Variants in FRMD4A observed in about 807,000 individuals in gnomAD.
FRMD4A encodes FERM domain-containing protein 4A.
FRMD4A carries 29 observed loss-of-function variants against 129.1 expected under a neutral mutation model. That is an observed-to-expected ratio of 0.22 (90% CI 0.17 to 0.31). The LOEUF (loss-of-function observed/expected upper bound fraction) is 0.31. Among genes scored for constraint, FRMD4A ranks in the 10% least tolerant of loss-of-function variants. FRMD4A has a pLI of 1.00. For synonymous variants in FRMD4A, 634 were observed against 571.6 expected, an observed-to-expected ratio of 1.11 and a Z score of -1.56; for missense variants, 1,272 against 1,375.8, an observed-to-expected ratio of 0.92 and a Z score of 1.19.
intron 2 of FRMD4A, among the ~76,000 whole-genome samples, chr10:14,023,712 C>T (rs959044493): frequency 5.3e-5 from 8 of 151,956 alleles, no homozygotes; most frequent in African/African-American, 1.9e-4. Context: ...GGTTGCAGTG[C>T]GTGCCCTGCA....
At chr10:13,916,581 C>A (rs899754878) in intron 2 of FRMD4A, among the ~76,000 whole-genome samples, 15 of 152,158 alleles carry the variant, frequency 9.9e-5, no homozygotes, top group Admixed American at 4.6e-4. Context: ...AGAAGAGGAA[C>A]CTGAGGCTCC....
intron 2 of FRMD4A, among the ~76,000 whole-genome samples, chr10:14,099,505 A>T (rs1187583415): frequency 6.6e-6 from 1 of 152,242 alleles, no homozygotes; most frequent in Non-Finnish European, 1.5e-5. Context: ...AAATCCAGGC[A>T]TGCCCAACTC....
chr10:13,728,183 T>C (rs1021584754), intron 12 of FRMD4A, among the ~76,000 whole-genome samples: 11 of 152,216 alleles, frequency 7.2e-5, no homozygotes, highest in African/African-American at 2.7e-4. Context: ...AAATGCCTTA[T>C]GTTTGTTTAG....
At chr10:14,152,655 A>G (rs1423672422) in intron 2 of FRMD4A, among the ~76,000 whole-genome samples, 1 of 152,200 alleles carries the variant, frequency 6.6e-6, no homozygotes, top group East Asian at 1.9e-4. Context: ...TGGGCAACAT[A>G]GCGAGACCCT....
intron 12 of FRMD4A, among the ~76,000 whole-genome samples, chr10:13,718,957 T>C (rs576929149): frequency 3.9e-5 from 6 of 152,342 alleles, no homozygotes; most frequent in Admixed American, 2.6e-4. Context: ...AGACACTCAA[T>C]AGTTGTCTGT....
At position 14,118,206 on chromosome 10, in the gene FRMD4A, C is replaced by T. The variant is rs567082053; in HGVS notation, c.45+211852G>A. Among the ~76,000 whole-genome samples the T allele has an allele frequency of 1.2e-3, 178 of 152,340 alleles. 2 individuals are homozygous for T. Among genetic ancestry groups the T allele is most frequent in the African/African-American group, 4.1e-3 (171 of 41,570 alleles). On this transcript the variant is annotated intron_variant, in intron 2 of 24. Coordinates refer to ENST00000357447, the MANE Select transcript of FRMD4A (RefSeq NM_018027.5). ...TGAGGCCCAGGAATCTGAATTTTAA[C>T]AAGCACCTTGGAGATTCTGGCCTCT...
At chr10:14,078,808 C>T (rs903170852) in intron 2 of FRMD4A, among the ~76,000 whole-genome samples, 2 of 152,224 alleles carry the variant, frequency 1.3e-5, no homozygotes, top group East Asian at 3.8e-4. Context: ...GTCAACCTCT[C>T]CCTGCCCTGG....
intron 2 of FRMD4A, among the ~76,000 whole-genome samples, chr10:14,204,403 G>A (rs144517686): frequency 2.6e-5 from 4 of 151,742 alleles, no homozygotes; most frequent in East Asian, 3.9e-4. Flanking sequence ...ACTCCAGCCC[G>A]AATGACAGTG....
intron 2 of FRMD4A, among the ~76,000 whole-genome samples, chr10:14,165,342 A>G (rs1168556913): frequency 6.6e-6 from 1 of 152,206 alleles, no homozygotes; most frequent in Non-Finnish European, 1.5e-5. Flanking sequence ...AATGGTTACA[A>G]CTAAGAAGCC....
chr10:14,299,708 C>T lies in FRMD4A; in HGVS notation c.45+30350G>A, dbSNP rs182024522. Among the ~76,000 whole-genome samples the T allele has an allele frequency of 1.3e-5, 2 of 152,274 alleles. 1 individual carries two copies. Among genetic ancestry groups the T allele is most frequent in the East Asian group, 3.9e-4 (2 of 5,184 alleles). On this transcript the variant is annotated intron_variant, in intron 2 of 24. Coordinates refer to ENST00000357447, the MANE Select transcript of FRMD4A (RefSeq NM_018027.5). ...CTCCTGGGAACTCAATGAGCCGCCT[C>T]AGACAAGACACATCAACTACCAGAA...
At chr10:13,998,851 C>A (rs2095632127) in intron 2 of FRMD4A, among the ~76,000 whole-genome samples, 1 of 152,218 alleles carries the variant, frequency 6.6e-6, no homozygotes, top group Non-Finnish European at 1.5e-5. Context: ...GCCTTCTTCT[C>A]TATCAACCTA....
intron 2 of FRMD4A, among the ~76,000 whole-genome samples, chr10:13,885,909 TTC>T (rs139291183): frequency 8.6e-4 from 127 of 148,270 alleles, no homozygotes; most frequent in Non-Finnish European, 9.5e-4. Flanking sequence ...CCATCTCTCC[TTC>T]TCTCTCTCTC....
chr10:13,766,589 T>A (rs2092294444), intron 6 of FRMD4A, among the ~76,000 whole-genome samples: 1 of 152,200 alleles, frequency 6.6e-6, no homozygotes, highest in Non-Finnish European at 1.5e-5. Flanking sequence ...ACGGTGTGGA[T>A]AAGAACCAAT....
rs1338060401 is a variant in FRMD4A, at chr10:13,643,937, T to C, written c.*3101A>G. On this transcript the variant is annotated 3_prime_UTR_variant, in exon 25 of 25. Transcript: ENST00000357447. The stretch of plus-strand genomic sequence containing the variant: ...GTTTCAGGAGCAACCTAATCTTTTT[T>C]CCCCCATTATTAAACTAGAGTCCAT... 6.6e-6 allele frequency: 1 copy of C among 152,604 alleles called. No homozygotes were observed. The highest frequency in any genetic ancestry group is 1.5e-5 in the Non-Finnish European group (1 of 68,036). The allele number at this position is 152,604 out of a possible 1,614,324, so 9.5% of individuals were successfully genotyped here.
At chr10:13,848,708 C>T (rs1230096492) in intron 3 of FRMD4A, among the ~76,000 whole-genome samples, 1 of 152,076 alleles carries the variant, frequency 6.6e-6, no homozygotes, top group East Asian at 1.9e-4. Context: ...CCCTCTCTCA[C>T]AGCCTCTTGG....
chr10:14,199,170 A>G (rs910183978), intron 2 of FRMD4A, among the ~76,000 whole-genome samples: 2 of 151,736 alleles, frequency 1.3e-5, no homozygotes, highest in African/African-American at 4.8e-5. Context: ...TGTTGTTTCC[A>G]TTTTTAAAAG....
chr10:13,822,309 A>C (rs1007386880), intron 3 of FRMD4A, among the ~76,000 whole-genome samples: 1 of 152,170 alleles, frequency 6.6e-6, no homozygotes, highest in African/African-American at 2.4e-5. Flanking sequence ...CTCCTAAACA[A>C]AGCTTTGCTT....
At chr10:14,176,076 C>A (rs911266148) in intron 2 of FRMD4A, among the ~76,000 whole-genome samples, 1 of 152,136 alleles carries the variant, frequency 6.6e-6, no homozygotes, top group South Asian at 2.1e-4. Context: ...GTTTAGGGAT[C>A]CCTAATATTT....
intron 24 of FRMD4A, chr10:13,649,675 A>G (rs1044364282): frequency 1.3e-5 from 2 of 152,226 alleles, no homozygotes; most frequent in African/African-American, 4.8e-5. Flanking sequence ...ATGTTGCTTC[A>G]TGTATTGGTC....
Sources: gnomAD v4.1 joint callset for allele counts (sites outside exome capture counted in the v4.1 genomes callset) on GRCh38, gnomAD v4.1.1 for gene constraint, MANE v1.5 for transcripts, NCBI Gene and HGNC (gene_info 2026-07-23, HGNC 2026-07-21) for gene names.